Variants in CPEB1 observed in about 807,000 individuals in gnomAD.
CPEB1 encodes cytoplasmic polyadenylation element-binding protein 1.
In CPEB1, 7 loss-of-function variants were observed where a neutral mutation model predicts 65.8. The ratio of observed to expected loss-of-function variants is 0.11; its 90% confidence interval spans 0.06 to 0.20. The LOEUF is 0.20. Among genes scored for constraint, CPEB1 ranks in the 10% least tolerant of loss-of-function variants. The pLI, the probability that CPEB1 is intolerant of heterozygous loss-of-function variation, is 1.00. For synonymous variants in CPEB1, 262 were observed against 260.0 expected, an observed-to-expected ratio of 1.01 and a Z score of -0.08; for missense variants, 551 against 712.2, an observed-to-expected ratio of 0.77 and a Z score of 2.58.
intron 3 of CPEB1, among the ~76,000 whole-genome samples, chr15:82,622,546 C>A (rs2045394416): frequency 1.3e-5 from 2 of 152,108 alleles, no homozygotes; most frequent in African/African-American, 4.8e-5. Context: ...CACGCACCAT[C>A]ATGCCCGGTT....
At chr15:82,561,707 T>C (rs2038240574) in intron 4 of CPEB1, among the ~76,000 whole-genome samples, 1 of 152,182 alleles carries the variant, frequency 6.6e-6, no homozygotes, top group African/African-American at 2.4e-5. Flanking sequence ...CACAAACCCA[T>C]CTACCTCTGC....
intron 3 of CPEB1, 22 bp from the exon 4 acceptor site, chr15:82,571,554 C>G (rs73436995): frequency 6.2e-7 from 1 of 1,604,188 alleles, no homozygotes; most frequent in Admixed American, 1.7e-5. Flanking sequence ...AGGAGCACAG[C>G]AGAAACCTCA....
intron 4 of CPEB1, among the ~76,000 whole-genome samples, chr15:82,559,472 A>G (rs1467058004): frequency 6.6e-6 from 1 of 152,176 alleles, no homozygotes; most frequent in Non-Finnish European, 1.5e-5. Context: ...AGATGGAACT[A>G]TATACCATTT....
intron 5 of CPEB1, among the ~76,000 whole-genome samples, chr15:82,556,946 T>C (rs1006288271): frequency 1.3e-5 from 2 of 152,224 alleles, no homozygotes; most frequent in Non-Finnish European, 2.9e-5. Flanking sequence ...GAGAAGAAGG[T>C]GGTAAAATAA....
At chr15:82,589,738 G>A (rs1424778051) in intron 3 of CPEB1, among the ~76,000 whole-genome samples, 2 of 151,718 alleles carry the variant, frequency 1.3e-5, no homozygotes, top group African/African-American at 4.8e-5. Flanking sequence ...AAAAAAAATT[G>A]TATTACAGTC....
intron 3 of CPEB1, among the ~76,000 whole-genome samples, chr15:82,607,941 A>G (rs2043777986): frequency 6.6e-6 from 1 of 152,208 alleles, no homozygotes; most frequent in Non-Finnish European, 1.5e-5. Context: ...ACTGCCTTAC[A>G]TGCTTAGAAC....
At chr15:82,629,802 T>C (rs2046088606) in intron 1 of CPEB1, 6 of 985,320 alleles carry the variant, frequency 6.1e-6, no homozygotes, top group Non-Finnish European at 7.2e-6. Flanking sequence ...TTTGGCCTAC[T>C]AAAATCCAAG....
chr15:82,616,240 T>C (rs1213709972), intron 3 of CPEB1, among the ~76,000 whole-genome samples: 1 of 152,126 alleles, frequency 6.6e-6, no homozygotes, highest in Non-Finnish European at 1.5e-5. Context: ...TTTGTGACAA[T>C]TTACCCAGTT....
At chr15:82,551,166 C>T (rs1031668672) in intron 9 of CPEB1, among the ~76,000 whole-genome samples, 2 of 152,156 alleles carry the variant, frequency 1.3e-5, no homozygotes, top group Non-Finnish European at 2.9e-5. Flanking sequence ...CCTGCCCTCT[C>T]TCTAACACAG....
chr15:82,605,436 C>G (rs1036593765), intron 3 of CPEB1, among the ~76,000 whole-genome samples: 1 of 151,598 alleles, frequency 6.6e-6, no homozygotes, highest in Admixed American at 6.6e-5. Context: ...AAGTTTTGAC[C>G]AGGATAAAAA....
rs146842700 is a variant in CPEB1, at chr15:82,595,421, G to A, written c.272-23889C>T. Among the ~76,000 whole-genome samples the A allele has an allele frequency of 1.6e-3, 251 of 152,302 alleles. 1 individual carries two copies. Among genetic ancestry groups the A allele is most frequent in the African/African-American group, 5.8e-3 (240 of 41,566 alleles). On this transcript the variant is annotated intron_variant, in intron 3 of 12. Coordinates refer to ENST00000684509, the MANE Select transcript of CPEB1 (RefSeq NM_001365242.1). ...AACATTTCACATTAGCAATGTATAA[G>A]AGTTTCACTTTTTCTACATCCTGAT...
At chr15:82,636,602 A>G (rs2046678977) in intron 1 of CPEB1, among the ~76,000 whole-genome samples, 1 of 152,208 alleles carries the variant, frequency 6.6e-6, no homozygotes, top group African/African-American at 2.4e-5. Context: ...TTGAAAGCAC[A>G]TGGTCACTAT....
chr15:82,596,156 C>T (rs2042648307), intron 3 of CPEB1, among the ~76,000 whole-genome samples: 1 of 152,176 alleles, frequency 6.6e-6, no homozygotes. Flanking sequence ...AATCACAATG[C>T]TATTCCTAAA....
chr15:82,549,927 G>A (rs2035953431), intron 9 of CPEB1, among the ~76,000 whole-genome samples: 1 of 152,094 alleles, frequency 6.6e-6, no homozygotes, highest in Admixed American at 6.6e-5. Context: ...AAGCAAAAAA[G>A]TACCACATGG....
chr15:82,588,236 C>T (rs532408828), intron 3 of CPEB1, among the ~76,000 whole-genome samples: 5 of 152,034 alleles, frequency 3.3e-5, no homozygotes, highest in East Asian at 1.9e-4. Context: ...TGTGAGTGAC[C>T]GCATCCAGCC....
At chr15:82,548,860 C>A in intron 10 of CPEB1, 1 of 343,226 alleles carries the variant, frequency 2.9e-6, no homozygotes, top group Non-Finnish European at 5.9e-6. Context: ...ATGTTAATCA[C>A]AGAGGTCAGG....
At chr15:82,594,866 G>T (rs370434840) in intron 3 of CPEB1, among the ~76,000 whole-genome samples, 1 of 147,182 alleles carries the variant, frequency 6.8e-6, no homozygotes, top group South Asian at 2.2e-4. Flanking sequence ...GCCCAAGAAA[G>T]TGGGAGAGAG....
At chr15:82,550,733 G>A (rs192303867) in intron 9 of CPEB1, among the ~76,000 whole-genome samples, 2 of 152,324 alleles carry the variant, frequency 1.3e-5, no homozygotes, top group Admixed American at 6.5e-5. Flanking sequence ...GGGTCTAAAG[G>A]TGAGAGAAGC....
chr15:82,561,542 G>A (rs1339108129), intron 4 of CPEB1, among the ~76,000 whole-genome samples: 1 of 152,158 alleles, frequency 6.6e-6, no homozygotes, highest in Non-Finnish European at 1.5e-5. Flanking sequence ...ACCAAAGATG[G>A]CAAGTATGGG....
Sources: allele counts gnomAD v4.1 joint callset (sites outside exome capture counted in the v4.1 genomes callset), GRCh38; gene constraint gnomAD v4.1.1; transcripts MANE v1.5; gene names NCBI Gene and HGNC (gene_info 2026-07-23, HGNC 2026-07-21).